The following PREX2 variants were observed in gnomAD, a reference collection of about 807,000 sequenced individuals.
PREX2 encodes phosphatidylinositol 3,4,5-trisphosphate-dependent Rac exchanger 2 protein.
In PREX2, 107 loss-of-function variants were observed where a neutral mutation model predicts 203.2. The ratio of observed to expected loss-of-function variants is 0.53; its 90% CI spans 0.45 to 0.62. The LOEUF (loss-of-function observed/expected upper bound fraction) is 0.62. PREX2 is among the 20% of genes least tolerant of loss of function. The pLI, the probability that PREX2 is intolerant of heterozygous loss-of-function variation, is 0.00. For missense variants in PREX2, 1,777 were observed against 1,955.9 expected (o/e 0.91, Z 1.72); for synonymous variants, 672 against 663.6 (o/e 1.01, Z -0.19).
At chr8:67,997,250 T>A (rs1336121534) in intron 1 of PREX2, among the ~76,000 whole-genome samples, 1 of 152,156 alleles carries the variant, frequency 6.6e-6, no homozygotes, top group Non-Finnish European at 1.5e-5. Context: ...TTCTTTTTTT[T>A]TAGCTCTACA....
At chr8:68,076,249 G>C (rs1422084679) in intron 14 of PREX2, among the ~76,000 whole-genome samples, 1 of 152,116 alleles carries the variant, frequency 6.6e-6, no homozygotes, top group Admixed American at 6.6e-5. Flanking sequence ...CTGAGGTTAG[G>C]AGTTTGAGAC....
Position 68,113,308 on chromosome 8 carries a change from C to T in PREX2, c.3147-2445C>T, listed in dbSNP as rs562115381. Among the ~76,000 whole-genome samples the T allele has an allele frequency of 3.5e-4, 53 of 152,286 alleles. 1 individual carries two copies. The highest frequency in any genetic ancestry group is 2.7e-3 in the Admixed American group (42 of 15,296). On this transcript the variant is annotated intron_variant, in intron 25 of 39. Transcript: ENST00000288368. ...TAACTTTGAAAAAAATTATGCTTAG[C>T]CCCATGACTTCTAATTTAAAAGATA...
intron 35 of PREX2, among the ~76,000 whole-genome samples, chr8:68,165,850 A>G (rs1410780116): frequency 1.3e-5 from 2 of 152,202 alleles, no homozygotes; most frequent in Non-Finnish European, 2.9e-5. Flanking sequence ...CTAGATATTT[A>G]CAAGAAGATG....
chr8:68,177,953 T>A (rs371203216), intron 35 of PREX2, among the ~76,000 whole-genome samples: 69 of 152,358 alleles, frequency 4.5e-4, no homozygotes, highest in African/African-American at 1.5e-3. Flanking sequence ...TCCATGTCCC[T>A]GCAAAGGACA....
chr8:67,991,710 G>A (rs1170649609), intron 1 of PREX2, among the ~76,000 whole-genome samples: 1 of 152,110 alleles, frequency 6.6e-6, no homozygotes, highest in Non-Finnish European at 1.5e-5. Flanking sequence ...ACGAGATTTG[G>A]CTGGTGACAC....
intron 32 of PREX2, among the ~76,000 whole-genome samples, 196 bp from the exon 33 acceptor site, chr8:68,138,219 G>T (rs1024357889): frequency 1.3e-5 from 2 of 152,014 alleles, no homozygotes; most frequent in Non-Finnish European, 2.9e-5. Flanking sequence ...AACCATAAAA[G>T]AAACTTGTAA....
At chr8:68,056,628 A>T (rs1350231913) in intron 10 of PREX2, among the ~76,000 whole-genome samples, 1 of 151,984 alleles carries the variant, frequency 6.6e-6, no homozygotes, top group Non-Finnish European at 1.5e-5. Context: ...TTTAGGCCAG[A>T]CTCTGCTGGC....
At chr8:68,126,620 A>G (rs1585813986) in intron 30 of PREX2, among the ~76,000 whole-genome samples, 1 of 152,118 alleles carries the variant, frequency 6.6e-6, no homozygotes, top group East Asian at 1.9e-4. Flanking sequence ...GAATCTGTCT[A>G]GAATAGGATA....
chr8:67,976,796 GGAGAGAGA>G, intron 1 of PREX2, among the ~76,000 whole-genome samples: 1 of 130,442 alleles, frequency 7.7e-6, no homozygotes, highest in Middle Eastern at 4.1e-3. Context: ...GAGCGAGAGG[GGAGAGAGA>G]GAGAGAGAGT....
At chr8:67,968,032 C>T (rs1805823538) in intron 1 of PREX2, among the ~76,000 whole-genome samples, 1 of 151,164 alleles carries the variant, frequency 6.6e-6, no homozygotes. Flanking sequence ...ATGTAACAAA[C>T]CTGCATGTTG....
At chr8:68,090,097 T>A (rs1809823866) in intron 19 of PREX2, among the ~76,000 whole-genome samples, 1 of 152,236 alleles carries the variant, frequency 6.6e-6, no homozygotes, top group Non-Finnish European at 1.5e-5. Context: ...CCAATCATAG[T>A]TGCTCATTGA....
At chr8:68,178,769 C>T (rs143966018) in intron 35 of PREX2, among the ~76,000 whole-genome samples, 16 of 152,188 alleles carry the variant, frequency 1.1e-4, no homozygotes, top group East Asian at 5.8e-4. Context: ...GCTTTAATAA[C>T]GCTCTTGGTA....
rs1813176197 is a variant in PREX2, at chr8:68,231,828, CA to C, written c.*453del. On this transcript the variant is annotated 3_prime_UTR_variant, in exon 40 of 40. Transcript: ENST00000288368. ...ATTGAAGAAACCTGGCGACATCTTG[CA>C]AATCATCATGAGAAATGTTAAGGAC... The C allele has an allele frequency of 6.2e-6, 1 of 162,400 alleles. No individual in the cohort carries two copies. The highest frequency in any genetic ancestry group is 1.3e-5 in the Non-Finnish European group (1 of 74,296). The allele number at this position is 162,400 out of a possible 1,614,324, so 10.1% of individuals were successfully genotyped here.
chr8:68,152,293 A>AAAAAAAAAC (rs1563567100), intron 34 of PREX2, among the ~76,000 whole-genome samples: 1 of 143,912 alleles, frequency 6.9e-6, no homozygotes, highest in Non-Finnish European at 1.5e-5. Context: ...CTCAGAGAAA[A>AAAAAAAAAC]AAAAAAAAAA....
intron 1 of PREX2, among the ~76,000 whole-genome samples, chr8:67,970,741 A>T (rs956610297): frequency 1.3e-5 from 2 of 152,230 alleles, no homozygotes; most frequent in African/African-American, 4.8e-5. Flanking sequence ...ACTGATTATC[A>T]TACAGGAGCC....
chr8:68,130,500 A>G (rs1349875444), intron 31 of PREX2, among the ~76,000 whole-genome samples: 3 of 152,222 alleles, frequency 2.0e-5, no homozygotes, highest in Non-Finnish European at 2.9e-5. Flanking sequence ...AGTGCCAGAC[A>G]CGGTGCTAGA....
chr8:68,199,480 T>C (rs1019136508), intron 37 of PREX2, among the ~76,000 whole-genome samples: 2 of 152,166 alleles, frequency 1.3e-5, no homozygotes, highest in Non-Finnish European at 2.9e-5. Flanking sequence ...CTTCTCCCAC[T>C]AACAGAAACT....
At chr8:67,963,108 A>G (rs984685020) in intron 1 of PREX2, among the ~76,000 whole-genome samples, 2 of 152,114 alleles carry the variant, frequency 1.3e-5, no homozygotes, top group African/African-American at 2.4e-5. Context: ...TCCCATGCAG[A>G]TAAGTGTGGG....
At chr8:68,055,297 A>G (rs6998684) in intron 9 of PREX2, among the ~76,000 whole-genome samples, 86,864 of 151,578 alleles carry the variant, frequency 0.57, 26,329 homozygotes, top group African/African-American at 0.78. Context: ...CTTAAAACCC[A>G]TGGCTCCGGG....
Sources: gnomAD v4.1 joint callset for allele counts (sites outside exome capture counted in the v4.1 genomes callset) on GRCh38, gnomAD v4.1.1 for gene constraint, MANE v1.5 for transcripts, NCBI Gene and HGNC (gene_info 2026-07-23, HGNC 2026-07-21) for gene names.